ADGRL2: variants seen among roughly 807,000 people sequenced by gnomAD.
ADGRL2 encodes the protein adhesion G protein-coupled receptor L2.
Under a neutral mutation model 157.4 loss-of-function variants are expected in ADGRL2, and 44 were observed. The ratio of observed to expected loss-of-function variants is 0.28; its 90% CI spans 0.22 to 0.36. ADGRL2 has a LOEUF of 0.36. Ranked by LOEUF, ADGRL2 falls within the 10% of genes least tolerant of loss-of-function variation. The pLI is 1.00. For synonymous variants in ADGRL2, 585 were observed against 624.7 expected, an observed-to-expected ratio of 0.94 and a Z score of 0.95; for missense variants, 1,510 against 1,768.9, an observed-to-expected ratio of 0.85 and a Z score of 2.63.
At chr1:81,512,327 G>A (rs1254391290) in intron 2 of ADGRL2, among the ~76,000 whole-genome samples, 1 of 152,174 alleles carries the variant, frequency 6.6e-6, no homozygotes, top group Middle Eastern at 3.2e-3. Flanking sequence ...AAAAAGCTGG[G>A]CTTAAAGAAG....
At chr1:81,473,721 A>G (rs2078217921) in intron 2 of ADGRL2, among the ~76,000 whole-genome samples, 1 of 152,030 alleles carries the variant, frequency 6.6e-6, no homozygotes, top group African/African-American at 2.4e-5. Flanking sequence ...GTGAAAGAAA[A>G]CTATAGGCCT....
At chr1:81,377,531 G>A (rs1047497277) in intron 1 of ADGRL2, among the ~76,000 whole-genome samples, 12 of 152,080 alleles carry the variant, frequency 7.9e-5, no homozygotes, top group African/African-American at 2.9e-4. Flanking sequence ...CAGGAAAGGT[G>A]TTATCCCAGC....
At chr1:81,474,587 T>C (rs1665295272) in intron 2 of ADGRL2, among the ~76,000 whole-genome samples, 1 of 152,148 alleles carries the variant, frequency 6.6e-6, no homozygotes, top group Admixed American at 6.5e-5. Flanking sequence ...AGGGGAGGGA[T>C]TGCTGGTCAG....
At chr1:81,339,576 G>T (rs1269071050) in intron 1 of ADGRL2, among the ~76,000 whole-genome samples, 2 of 148,488 alleles carry the variant, frequency 1.3e-5, no homozygotes, top group Non-Finnish European at 3.0e-5. Context: ...GTCCCTTGGG[G>T]TTGTTTTGTT....
At chr1:81,690,850 C>T (rs2083317918) in intron 3 of ADGRL2, among the ~76,000 whole-genome samples, 1 of 152,186 alleles carries the variant, frequency 6.6e-6, no homozygotes, top group Non-Finnish European at 1.5e-5. Flanking sequence ...CAGAATACGA[C>T]TTCAAGAGGT....
intron 21 of ADGRL2, among the ~76,000 whole-genome samples, chr1:81,986,381 A>G (rs1200506578): frequency 1.3e-5 from 2 of 151,948 alleles, no homozygotes; most frequent in African/African-American, 4.8e-5. Context: ...GTGCTTTTGC[A>G]TTTACTAAGA....
intron 2 of ADGRL2, among the ~76,000 whole-genome samples, chr1:81,512,324 TG>T (rs2079094950): frequency 1.3e-5 from 2 of 152,192 alleles, no homozygotes. Flanking sequence ...TATAAAAAGC[TG>T]GGCTTAAAGA....
intron 1 of ADGRL2, among the ~76,000 whole-genome samples, chr1:81,397,134 C>A (rs1570841124): frequency 6.6e-6 from 1 of 151,906 alleles, no homozygotes; most frequent in Non-Finnish European, 1.5e-5. Flanking sequence ...CTGATTCCAT[C>A]TTGTTATTTG....
rs1417281194 is a variant in ADGRL2, at chr1:81,758,980, G to A, written c.-142-2831G>A. On this transcript the variant is annotated intron_variant, in intron 1 of 20. Coordinates refer to the ADGRL2 transcript ENST00000359929. ...TCCTTCCGCTACTCCTAAGGTTACA[G>A]GGCTTCCAAACTGTATCATTAATGA... Among the ~76,000 whole-genome samples the A allele has an allele frequency of 2.0e-5, 3 of 152,054 alleles. No individual in the cohort carries two copies. The East Asian group carries it at 5.8e-4, about 29-fold the overall frequency.
At chr1:81,874,608 G>C (rs2093781652) in intron 2 of ADGRL2, among the ~76,000 whole-genome samples, 1 of 136,156 alleles carries the variant, frequency 7.3e-6, no homozygotes, top group African/African-American at 2.7e-5. Flanking sequence ...GTCTTGTCTT[G>C]TTTGTCTTGT....
At chr1:81,933,719 C>A (rs2095268295) in intron 3 of ADGRL2, among the ~76,000 whole-genome samples, 1 of 151,936 alleles carries the variant, frequency 6.6e-6, no homozygotes. Context: ...TTTCTTGTCT[C>A]CTCACTCTCT....
At chr1:81,822,402 T>A (rs922004906) in intron 1 of ADGRL2, among the ~76,000 whole-genome samples, 4 of 151,618 alleles carry the variant, frequency 2.6e-5, no homozygotes, top group African/African-American at 9.7e-5. Flanking sequence ...ATTTATAATT[T>A]AATTTTTATA....
chr1:81,726,785 T>G (rs1437301069), intron 1 of ADGRL2, among the ~76,000 whole-genome samples: 1 of 152,226 alleles, frequency 6.6e-6, no homozygotes, highest in African/African-American at 2.4e-5. Context: ...TTCTAATGCT[T>G]TGTTTTTCCT....
At chr1:81,845,119 CTT>C (rs997188583) in intron 2 of ADGRL2, among the ~76,000 whole-genome samples, 6 of 151,990 alleles carry the variant, frequency 3.9e-5, no homozygotes, top group African/African-American at 1.4e-4. Context: ...TACATATACT[CTT>C]ATATTCATAT....
At chr1:81,497,643 C>T (rs1444795334) in intron 2 of ADGRL2, among the ~76,000 whole-genome samples, 1 of 152,142 alleles carries the variant, frequency 6.6e-6, no homozygotes, top group African/African-American at 2.4e-5. Flanking sequence ...TGACTTTAAG[C>T]AAGTTGTTTA....
At chr1:81,444,475 C>G (rs1021455942) in intron 1 of ADGRL2, among the ~76,000 whole-genome samples, 1 of 152,152 alleles carries the variant, frequency 6.6e-6, no homozygotes, top group Non-Finnish European at 1.5e-5. Flanking sequence ...TTTATTCTGC[C>G]TGTAAAGACT....
At chr1:81,973,963 TG>T (rs889976463) in intron 17 of ADGRL2, among the ~76,000 whole-genome samples, 1 of 152,020 alleles carries the variant, frequency 6.6e-6, no homozygotes, top group Non-Finnish European at 1.5e-5. Flanking sequence ...ATCTTCCCTC[TG>T]GTGATGATAA....
intron 2 of ADGRL2, among the ~76,000 whole-genome samples, chr1:81,543,223 G>T (rs988388215): frequency 3.9e-5 from 6 of 152,106 alleles, no homozygotes; most frequent in African/African-American, 1.4e-4. Flanking sequence ...GTGGTATTAG[G>T]AAATGGGGCC....
At chr1:81,448,702 GACAA>G (rs1332242084) in intron 2 of ADGRL2, among the ~76,000 whole-genome samples, 5 of 151,476 alleles carry the variant, frequency 3.3e-5, no homozygotes, top group Non-Finnish European at 7.4e-5. Flanking sequence ...AACAAAAACA[GACAA>G]ACAAAAAAAC....
Sources: gnomAD v4.1 joint callset for allele counts (sites outside exome capture counted in the v4.1 genomes callset) on GRCh38, gnomAD v4.1.1 for gene constraint, MANE v1.5 for transcripts, NCBI Gene and HGNC (gene_info 2026-07-23, HGNC 2026-07-21) for gene names.